Variants in ROBO2 observed in about 807,000 individuals in gnomAD.
ROBO2 encodes roundabout homolog 2.
In ROBO2, 53 loss-of-function variants were observed where a neutral mutation model predicts 160.8. That is an observed-to-expected ratio of 0.33 (90% confidence interval 0.26 to 0.41). ROBO2 has a LOEUF of 0.41. Ranked by LOEUF, ROBO2 falls within the 10% of genes least tolerant of loss-of-function variation. The pLI, the probability that ROBO2 is intolerant of heterozygous loss-of-function variation, is 1.00. For synonymous variants in ROBO2, 664 were observed against 611.7 expected (o/e 1.09, Z -1.26); for missense variants, 1,577 against 1,722.4 (o/e 0.92, Z 1.49).
At chr3:77,192,996 T>C (rs1373087843) in intron 2 of ROBO2, among the ~76,000 whole-genome samples, 1 of 152,026 alleles carries the variant, frequency 6.6e-6, no homozygotes, top group East Asian at 1.9e-4. Context: ...ACAAATATTA[T>C]AATATGTTTT....
At chr3:76,515,438 C>T (rs545320163) in intron 2 of ROBO2, among the ~76,000 whole-genome samples, 1 of 151,810 alleles carries the variant, frequency 6.6e-6, no homozygotes, top group Non-Finnish European at 1.5e-5. Flanking sequence ...TATAGTACAT[C>T]TCCTTTCAAA....
chr3:76,567,632 T>TATATATAC (rs2084625113), intron 2 of ROBO2, among the ~76,000 whole-genome samples: 1 of 79,118 alleles, frequency 1.3e-5, no homozygotes, highest in Non-Finnish European at 2.6e-5. Context: ...TATATATATA[T>TATATATAC]ATATATATAT....
chr3:77,108,977 G>A (rs183462152), intron 2 of ROBO2, among the ~76,000 whole-genome samples: 110 of 152,178 alleles, frequency 7.2e-4, no homozygotes, highest in African/African-American at 2.5e-3. Flanking sequence ...AACACAGTGT[G>A]GGGTAGATGG....
chr3:77,558,977 C>G (rs1428492278), intron 9 of ROBO2, among the ~76,000 whole-genome samples: 1 of 152,042 alleles, frequency 6.6e-6, no homozygotes, highest in Non-Finnish European at 1.5e-5. Context: ...TGAAGATTGA[C>G]ACAGGATGGA....
At chr3:75,935,954 A>G (rs1208891678) in intron 1 of ROBO2, among the ~76,000 whole-genome samples, 2 of 152,214 alleles carry the variant, frequency 1.3e-5, no homozygotes, top group Admixed American at 6.5e-5. Context: ...GAAGTGGTAA[A>G]TGTTGAAAGT....
intron 2 of ROBO2, among the ~76,000 whole-genome samples, chr3:77,189,476 T>C (rs559860336): frequency 6.6e-6 from 1 of 151,968 alleles, no homozygotes; most frequent in South Asian, 2.1e-4. Context: ...GGAACATGCA[T>C]CACTTACAAA....
chr3:76,958,583 A>G (rs1343589408), intron 2 of ROBO2, among the ~76,000 whole-genome samples: 2 of 152,284 alleles, frequency 1.3e-5, no homozygotes, highest in East Asian at 3.9e-4. Context: ...AGATGGACAT[A>G]TTTTACTACA....
intron 2 of ROBO2, among the ~76,000 whole-genome samples, chr3:77,332,871 C>T (rs1318019461): frequency 6.6e-6 from 1 of 152,136 alleles, no homozygotes; most frequent in African/African-American, 2.4e-5. Context: ...AGTGCTTGCT[C>T]AATACCAGGT....
intron 2 of ROBO2, among the ~76,000 whole-genome samples, chr3:76,212,551 A>G (rs1448338811): frequency 6.6e-6 from 1 of 152,070 alleles, no homozygotes; most frequent in African/African-American, 2.4e-5. Flanking sequence ...AATATTTGTT[A>G]GTTTGTTTCT....
intron 2 of ROBO2, among the ~76,000 whole-genome samples, chr3:77,142,038 G>T (rs563586674): frequency 6.6e-6 from 1 of 152,288 alleles, no homozygotes; most frequent in African/African-American, 2.4e-5. Context: ...TGAACAGTCA[G>T]TGAGCATTTG....
intron 2 of ROBO2, among the ~76,000 whole-genome samples, chr3:76,744,376 T>C (rs1422133504): frequency 6.6e-6 from 1 of 151,886 alleles, no homozygotes; most frequent in Non-Finnish European, 1.5e-5. Context: ...CTTTTTCTTT[T>C]TGAGATAGGG....
intron 2 of ROBO2, among the ~76,000 whole-genome samples, chr3:76,586,997 T>C (rs920181679): frequency 1.3e-5 from 2 of 152,176 alleles, no homozygotes; most frequent in African/African-American, 4.8e-5. Context: ...TTTATACTTT[T>C]GTAGAACTAG....
chr3:75,914,086 C>A (rs1946711106), intron 1 of ROBO2, among the ~76,000 whole-genome samples: 1 of 152,068 alleles, frequency 6.6e-6, no homozygotes. Context: ...CAAATGAATT[C>A]TTGCTGCCTC....
intron 2 of ROBO2, among the ~76,000 whole-genome samples, chr3:76,149,947 C>G (rs375719466): frequency 1.6e-5 from 1 of 63,466 alleles, no homozygotes; most frequent in Non-Finnish European, 4.3e-5. Flanking sequence ...AAACACACAT[C>G]TGTCTAAAGC....
At chr3:77,304,424 C>T (rs918295851) in intron 2 of ROBO2, among the ~76,000 whole-genome samples, 1 of 152,132 alleles carries the variant, frequency 6.6e-6, no homozygotes, top group Non-Finnish European at 1.5e-5. Context: ...AAATATGTCT[C>T]TTGGGGCCCA....
intron 2 of ROBO2, among the ~76,000 whole-genome samples, chr3:76,405,893 G>A (rs1373604746): frequency 1.3e-5 from 2 of 151,636 alleles, no homozygotes; most frequent in African/African-American, 4.8e-5. Context: ...TGCTCATATG[G>A]TTCTGTAATA....
intron 2 of ROBO2, among the ~76,000 whole-genome samples, chr3:76,852,071 T>C (rs917007416): frequency 2.0e-5 from 3 of 152,146 alleles, no homozygotes; most frequent in Non-Finnish European, 4.4e-5. Flanking sequence ...CATCTCCAGC[T>C]ATACAATCAA....
chr3:77,259,319 C>A (rs1042052648), intron 2 of ROBO2, among the ~76,000 whole-genome samples: 43 of 152,140 alleles, frequency 2.8e-4, no homozygotes, highest in Non-Finnish European at 5.4e-4. Flanking sequence ...AGAATGTAAG[C>A]ACCATAGAAG....
At chr3:77,077,734 T>G (rs1243843440) in intron 1 of ROBO2, among the ~76,000 whole-genome samples, 1 of 152,214 alleles carries the variant, frequency 6.6e-6, no homozygotes, top group Non-Finnish European at 1.5e-5. Flanking sequence ...CACACAGGTA[T>G]GTTCTTATCC....
Sources: allele counts gnomAD v4.1 joint callset (sites outside exome capture counted in the v4.1 genomes callset), GRCh38; gene constraint gnomAD v4.1.1; transcripts MANE v1.5; gene names NCBI Gene and HGNC (gene_info 2026-07-23, HGNC 2026-07-21).